Variants in SCN8A observed in about 807,000 individuals in gnomAD.
SCN8A encodes the protein sodium channel protein type 8 subunit alpha.
A neutral mutation model predicts 184.1 loss-of-function variants in SCN8A; 30 were observed. That is an observed-to-expected ratio of 0.16 (90% confidence interval 0.12 to 0.22). The LOEUF (loss-of-function observed/expected upper bound fraction) is 0.22, where lower values mean the gene tolerates loss of function less well. Ranked by LOEUF, SCN8A falls within the 10% of genes least tolerant of loss-of-function variation. The pLI, the probability that SCN8A is intolerant of heterozygous loss-of-function variation, is 1.00. For synonymous variants in SCN8A, 852 were observed against 907.0 expected (o/e 0.94, Z 1.09); for missense variants, 1,057 against 2,498.9 (o/e 0.42, Z 12.30).
chr12:51,640,732 C>G (rs1048115249), intron 1 of SCN8A, among the ~76,000 whole-genome samples: 14 of 152,208 alleles, frequency 9.2e-5, no homozygotes, highest in Non-Finnish European at 1.9e-4. Flanking sequence ...CCATGGCTAT[C>G]AAACCCAAAT....
intron 14 of SCN8A, among the ~76,000 whole-genome samples, chr12:51,752,917 G>A (rs988802897): frequency 2.0e-5 from 3 of 152,156 alleles, no homozygotes; most frequent in African/African-American, 7.2e-5. Context: ...TGTTTTCCCT[G>A]TAGAGTTTTG....
intron 14 of SCN8A, among the ~76,000 whole-genome samples, chr12:51,752,248 A>C (rs1408133814): frequency 1.3e-5 from 2 of 152,202 alleles, no homozygotes; most frequent in Non-Finnish European, 2.9e-5. Flanking sequence ...ATTTTGATAG[A>C]TAGTAAAGAA....
At chr12:51,619,631 C>A (rs1939918502) in intron 1 of SCN8A, among the ~76,000 whole-genome samples, 1 of 151,890 alleles carries the variant, frequency 6.6e-6, no homozygotes, top group African/African-American at 2.4e-5. Flanking sequence ...CAGGTTTTAC[C>A]AAGTCTTTTA....
chr12:51,744,584 C>G (rs1012737678), intron 12 of SCN8A, among the ~76,000 whole-genome samples: 1 of 151,106 alleles, frequency 6.6e-6, no homozygotes, highest in Non-Finnish European at 1.5e-5. Context: ...TGATCCAAAT[C>G]TGAATCAGTG....
intron 14 of SCN8A, among the ~76,000 whole-genome samples, chr12:51,752,418 T>TCACA (rs149943877): frequency 6.6e-6 from 1 of 150,484 alleles, no homozygotes; most frequent in African/African-American, 2.4e-5. Flanking sequence ...TCTCCCTCTC[T>TCACA]CACACACACA....
intron 1 of SCN8A, among the ~76,000 whole-genome samples, chr12:51,621,386 G>A (rs979682071): frequency 1.3e-5 from 2 of 152,164 alleles, no homozygotes; most frequent in Non-Finnish European, 2.9e-5. Context: ...CCACAGGATA[G>A]CCAATGAATT....
chr12:51,648,683 G>A (rs1459348288), intron 1 of SCN8A, among the ~76,000 whole-genome samples: 1 of 152,096 alleles, frequency 6.6e-6, no homozygotes, highest in Non-Finnish European at 1.5e-5. Context: ...AGAACAGTAT[G>A]GGGGAAACCA....
At chr12:51,773,918 T>G (rs1257504031) in intron 19 of SCN8A, among the ~76,000 whole-genome samples, 1 of 152,192 alleles carries the variant, frequency 6.6e-6, no homozygotes, top group Non-Finnish European at 1.5e-5. Context: ...TTGGAGGTAA[T>G]GAAAATGTTC....
rs1200525715 is a variant in SCN8A at position 51,721,978 on chromosome 12, GC to G, written c.1998+71del. On this transcript the variant is annotated intron_variant, in intron 12 of 26. Transcript: ENST00000627620. ...CACAAATAGATCGAGGCTAGGCATGGCAGTCTCCCCCGCTCCTTCCCCTCCT... is the reference window on the plus strand; with the variant it reads ...CACAAATAGATCGAGGCTAGGCATGGAGTCTCCCCCGCTCCTTCCCCTCCT... 4 of 1,598,592 alleles carry G rather than the reference GC, an allele frequency of 2.5e-6. No individual in the cohort carries two copies. The African/African-American group carries it at 5.3e-5, about 21-fold the overall frequency.
At chr12:51,790,254 G>A (rs1565927381) in intron 24 of SCN8A, 144 bp from the exon 25 acceptor site, 1 of 539,050 alleles carries the variant, frequency 1.9e-6, no homozygotes, top group Non-Finnish European at 3.3e-6. Flanking sequence ...TGATTATCGC[G>A]GGTCTACCCC....
In SCN8A at chr12:51,689,326, G is replaced by A. The variant is rs1941469727; in HGVS notation, c.706+230G>A. On this transcript the variant is annotated intron_variant, in intron 6 of 26. Transcript: ENST00000627620. ...CATCCATGCTATTGAAAAAGCACGT[G>A]CTTAAGAATCACTTGGATCTCACCA... is the stretch of plus-strand genomic sequence containing the variant. The A allele has an allele frequency of 1.8e-5, 9 of 500,884 alleles. No individual in the cohort carries two copies. In the South Asian group the frequency reaches 2.5e-4, roughly 14 times the overall value. 31.0% of individuals were successfully genotyped at this position (500,884 alleles called of 1,614,324 possible).
At chr12:51,711,858 G>T (rs141646139) in intron 11 of SCN8A, among the ~76,000 whole-genome samples, 1 of 151,766 alleles carries the variant, frequency 6.6e-6, no homozygotes, top group African/African-American at 2.4e-5. Context: ...TTCTCTCCAC[G>T]TCAGTACCCA....
chr12:51,807,281 G>C lies in SCN8A; in HGVS notation c.5795G>C (p.Arg1932Pro), dbSNP rs371766742. ...SNKLENGGTH[R>P]EKKESTPSTA... Reference sequence around the variant, plus strand: ...AAGCTGGAGAATGGAGGCACACACCGGGAGAAAAAAGAGAGCACCCCATCT... The same window carrying C: ...AAGCTGGAGAATGGAGGCACACACCCGGAGAAAAAAGAGAGCACCCCATCT... Residue 1932 changes from arginine (R) to proline (P), a missense_variant, in exon 27 of 27, where the codon CGG becomes CCG. Physicochemically the swap from Arg to Pro is moderately radical, Grantham distance 103 (BLOSUM62 -2). Transcript: ENST00000627620. The surrounding 1 kb of genome is among the most constrained non-coding windows in gnomAD (Gnocchi z 4.5). 109 of 1,613,768 alleles carry C rather than the reference G, an allele frequency of 6.8e-5. No individual in the cohort carries two copies. The highest frequency in any genetic ancestry group is 3.5e-4 in the Admixed American group (21 of 60,000).
intron 1 of SCN8A, among the ~76,000 whole-genome samples, chr12:51,605,588 C>A (rs1592323301): frequency 6.6e-6 from 1 of 152,180 alleles, no homozygotes; most frequent in Non-Finnish European, 1.5e-5. Flanking sequence ...ATAATGACTT[C>A]TTTTCCTCTG....
chr12:51,616,407 G>A (rs900946223), intron 1 of SCN8A, among the ~76,000 whole-genome samples: 4 of 152,042 alleles, frequency 2.6e-5, no homozygotes, highest in Non-Finnish European at 4.4e-5. Context: ...TCAGGAGTTC[G>A]AGACCAGCCT....
intron 1 of SCN8A, among the ~76,000 whole-genome samples, chr12:51,630,197 T>C (rs1940169086): frequency 6.6e-6 from 1 of 152,152 alleles, no homozygotes; most frequent in Non-Finnish European, 1.5e-5. Flanking sequence ...TATGTAACCA[T>C]CAGCACCATC....
chr12:51,749,602 T>C (rs184486447), intron 13 of SCN8A, among the ~76,000 whole-genome samples: 1 of 152,282 alleles, frequency 6.6e-6, no homozygotes, highest in Non-Finnish European at 1.5e-5. Context: ...CAGATTTTCC[T>C]CACAGACTTC....
At chr12:51,765,578 A>C in intron 15 of SCN8A, 93 bp from the exon 16 acceptor site, 1 of 781,006 alleles carries the variant, frequency 1.3e-6, no homozygotes, top group Non-Finnish European at 2.0e-6. Context: ...ATTTAATCTG[A>C]TCTTCCTAAT....
intron 2 of SCN8A, among the ~76,000 whole-genome samples, chr12:51,673,439 AT>A (rs1444440004): frequency 6.6e-6 from 1 of 152,194 alleles, no homozygotes; most frequent in Non-Finnish European, 1.5e-5. Context: ...GTTTTATACC[AT>A]ACCTTCAGCA....
Sources: allele counts gnomAD v4.1 joint callset (sites outside exome capture counted in the v4.1 genomes callset), GRCh38; gene constraint gnomAD v4.1.1; non-coding constraint Gnocchi (gnomAD v3.1); transcripts MANE v1.5; gene names NCBI Gene and HGNC (gene_info 2026-07-23, HGNC 2026-07-21).